The following LCN6 variants were observed in gnomAD, a reference collection of about 807,000 sequenced individuals.
LCN6 encodes epididymal-specific lipocalin-6.
A neutral mutation model predicts 21.4 loss-of-function variants in LCN6; 20 were observed. The ratio of observed to expected loss-of-function variants is 0.93; its 90% CI spans 0.66 to 1.36. The LOEUF (loss-of-function observed/expected upper bound fraction) is 1.36. LCN6 is among the 40% of genes most tolerant of loss of function. The probability of loss-of-function intolerance (pLI) is 0.00; values close to 1 mark genes in which losing one functional copy is unlikely to be tolerated. For missense variants in LCN6, 217 were observed against 206.6 expected, an observed-to-expected ratio of 1.05 and a Z score of -0.31; for synonymous variants, 96 against 89.0, an observed-to-expected ratio of 1.08 and a Z score of -0.44.
chr9:136,745,607 CTGCACCTA>C, intron 3 of LCN6: 1 of 600,046 alleles, frequency 1.7e-6, no homozygotes, highest in Non-Finnish European at 3.0e-6. Context: ...CCCTCGCCCT[CTGCACCTA>C]TGGGGACCTT....
chr9:136,746,209 C>T (rs1410482624), intron 2 of LCN6, among the ~76,000 whole-genome samples: 5 of 139,084 alleles, frequency 3.6e-5, no homozygotes, highest in African/African-American at 5.3e-5. Context: ...GAGGTTCGCC[C>T]GCGACTCGGG....
rs201662953 is a variant in LCN6 at position 136,747,548 on chromosome 9, A to G, written c.106T>C (p.Tyr36His). The G allele has an allele frequency of 2.4e-4, 388 of 1,611,634 alleles. No individual in the cohort carries two copies. The highest frequency in any genetic ancestry group is 3.1e-4 in the Non-Finnish European group (364 of 1,179,788). ...TCCCGGGAGGCCACCGCAAGCACGT[A>G]CCAGGGCCCAAGAAGCTGCATTGAG... ...LDPEQLLGPW[Y>H]VLAVASREKG... The change falls in exon 2 of 7, where the codon TAC becomes CAC. Residue 36 changes from tyrosine to histidine, a missense_variant. By Grantham distance (83) the Tyr-to-His change is moderately conservative. Coordinates refer to ENST00000341206, the MANE Select transcript of LCN6 (RefSeq NM_198946.3).
chr9:136,745,717 C>G, intron 3 of LCN6, 127 bp downstream of exon 3: 2 of 820,108 alleles, frequency 2.4e-6, no homozygotes, highest in South Asian at 3.1e-5. Context: ...GGGCAGCAAT[C>G]CCAAGACCAG....
rs759247679 is a variant in LCN6 at position 136,745,918 on chromosome 9, G to GA, written c.231-5dup. On this transcript the variant is annotated splice_region_variant and splice_polypyrimidine_tract_variant and intron_variant, in intron 2 of 6. Coordinates refer to ENST00000341206, the MANE Select transcript of LCN6 (RefSeq NM_198946.3). Reference sequence around the variant, plus strand: ...ACTCTGGTCACACCCTCCCAGCCTGGAAAAGAAGGGGCCTGTCACCCACTC... The same window carrying GA: ...ACTCTGGTCACACCCTCCCAGCCTGGAAAAAGAAGGGGCCTGTCACCCACTC... 6.2e-7 allele frequency: 1 copy of GA among 1,613,500 alleles called. No individual in the cohort carries two copies. The highest frequency in any genetic ancestry group is 2.2e-5 in the East Asian group (1 of 44,854).
intron 2 of LCN6, among the ~76,000 whole-genome samples, chr9:136,746,626 G>GC (rs917937702): frequency 1.3e-5 from 2 of 152,026 alleles, no homozygotes; most frequent in Non-Finnish European, 2.9e-5. Flanking sequence ...TGGCCCGGGG[G>GC]GTGCAGTGGG....
Position 136,744,463 on chromosome 9 carries a change from C to T in LCN6, c.*23-99G>A, listed in dbSNP as rs1441452558. ...TCGCCTGCCGTGGGGACAAGACCCCCAGGCCTGACTTTGGGCAGGGGCAGG... is the reference window on the plus strand; with the variant it reads ...TCGCCTGCCGTGGGGACAAGACCCCTAGGCCTGACTTTGGGCAGGGGCAGG... On this transcript the variant is annotated intron_variant, in intron 5 of 6. Transcript: ENST00000341206. This position sits in a 1 kb window ranked among gnomAD's most constrained non-coding sequence, Gnocchi z 4.2. 9 of 524,420 alleles carry T rather than the reference C, an allele frequency of 1.7e-5. No homozygotes were observed. Among genetic ancestry groups the T allele is most frequent in the East Asian group, 5.7e-5 (2 of 35,150 alleles). The allele number at this position is 524,420 out of a possible 1,614,324, so 32.5% of individuals were successfully genotyped here.
rs1847016112 is a variant in LCN6, at chr9:136,744,984, TCCCCATGTGGC to T, written c.412+175_412+185del. Among the ~76,000 whole-genome samples the T allele has an allele frequency of 7.6e-6, 1 of 132,416 alleles. No individual in the cohort carries two copies. The highest frequency in any genetic ancestry group is 2.9e-5 in the African/African-American group (1 of 34,212). 86.9% of individuals were successfully genotyped at this position (132,416 alleles called of 152,430 possible). A position where few individuals can be genotyped will look rare whatever the true frequency, so the allele number is the denominator to read the frequency against. On this transcript the variant is annotated intron_variant, in intron 4 of 6. Transcript: ENST00000341206. The surrounding 1 kb of genome is among the most constrained non-coding windows in gnomAD (Gnocchi z 4.2). ...CCGAGCGGCCCACTCACCACACAGCTCCCCATGTGGCCCCAAGCGGCCCACTCACCACACAG... is the reference window on the plus strand; with the variant it reads ...CCGAGCGGCCCACTCACCACACAGCTCCCAAGCGGCCCACTCACCACACAG...
chr9:136,747,331 G>A, intron 2 of LCN6, 93 bp downstream of exon 2: 3 of 1,464,690 alleles, frequency 2.0e-6, no homozygotes, highest in African/African-American at 1.4e-5. Context: ...AAGCCCCCAG[G>A]CCGCGGTGCC....
intron 2 of LCN6, 91 bp downstream of exon 2, chr9:136,747,333 C>T (rs552495789): frequency 7.7e-5 from 113 of 1,462,834 alleles, no homozygotes; most frequent in South Asian, 3.1e-4. Flanking sequence ...GCCCCCAGGC[C>T]GCGGTGCCCG....
At chr9:136,745,770 G>A (rs1847028881) in intron 3 of LCN6, 74 bp downstream of exon 3, 8 of 1,356,984 alleles carry the variant, frequency 5.9e-6, no homozygotes, top group Middle Eastern at 1.8e-4. Context: ...TCAGCCCTCC[G>A]TCCCTGCCCG....
rs955193599 is a variant in LCN6, at chr9:136,744,525, G to A, written c.*22+115C>T. Reference sequence around the variant, plus strand: ...TCAGCCTGCCTGACTCCTTCAGGGCGACTGAGTCAGGCAGAAGCCAGAATC... The same window carrying A: ...TCAGCCTGCCTGACTCCTTCAGGGCAACTGAGTCAGGCAGAAGCCAGAATC... On this transcript the variant is annotated intron_variant, in intron 5 of 6. Coordinates refer to ENST00000341206, the MANE Select transcript of LCN6 (RefSeq NM_198946.3). This position sits in a 1 kb window ranked among gnomAD's most constrained non-coding sequence, Gnocchi z 4.2. 2.7e-5 allele frequency: 18 copies of A among 659,046 alleles called. No homozygotes were observed. The highest frequency in any genetic ancestry group is 5.5e-5 in the East Asian group (2 of 36,116). The allele number at this position is 659,046 out of a possible 1,614,324, so 40.8% of individuals were successfully genotyped here. A position where few individuals can be genotyped will look rare whatever the true frequency, so the allele number is the denominator to read the frequency against.
chr9:136,745,312 G>A (rs1847022884), intron 3 of LCN6, 32 bp from the exon 4 acceptor site: 3 of 1,473,116 alleles, frequency 2.0e-6, no homozygotes, highest in African/African-American at 2.8e-5. Flanking sequence ...CTCAGGGGAG[G>A]GCAGCTGCTG....
At chr9:136,745,956 C>A in intron 2 of LCN6, 42 bp from the exon 3 acceptor site, 1 of 1,582,428 alleles carries the variant, frequency 6.3e-7, no homozygotes, top group Non-Finnish European at 8.7e-7. Context: ...GGTCAAGACC[C>A]CGGGGCCCGG....
chr9:136,744,782 G>C lies in LCN6; in HGVS notation c.413-41C>G. 1 of 1,396,830 alleles carries C rather than the reference G, an allele frequency of 7.2e-7. No individual in the cohort carries two copies. Among genetic ancestry groups the C allele is most frequent in the South Asian group, 1.2e-5 (1 of 84,398 alleles). 86.5% of individuals were successfully genotyped at this position (1,396,830 alleles called of 1,614,324 possible). A position where few individuals can be genotyped will look rare whatever the true frequency, so the allele number is the denominator to read the frequency against. On this transcript the variant is annotated intron_variant, in intron 4 of 6. Coordinates refer to ENST00000341206, the MANE Select transcript of LCN6 (RefSeq NM_198946.3). The surrounding 1 kb of genome is among the most constrained non-coding windows in gnomAD (Gnocchi z 4.2). ...CAGTGCAGGGGGAAGCAACCTCTGAGAGCTGGGGAGGGGCCGGGGAGGGGC... is the reference window on the plus strand; with the variant it reads ...CAGTGCAGGGGGAAGCAACCTCTGACAGCTGGGGAGGGGCCGGGGAGGGGC...
chr9:136,747,476 C>T lies in LCN6; in HGVS notation c.178G>A (p.Val60Met). 1 of 1,613,702 alleles carries T rather than the reference C, an allele frequency of 6.2e-7. No individual in the cohort carries two copies. Among genetic ancestry groups the T allele is most frequent in the Non-Finnish European group, 8.5e-7 (1 of 1,179,878 alleles). Residue 60 changes from valine to methionine, a missense_variant, in exon 2 of 7, where the codon GTG (valine) becomes ATG (methionine). Val to Met is a conservative substitution (Grantham distance 21). Transcript: ENST00000341206. ...EKDMKNVVGV[V>M]VTLTPENNLR... ...TTGTTTTCTGGAGTGAGGGTCACCACCACCCCCACGACGTTCTTCATGTCC... is the reference window on the plus strand; with the variant it reads ...TTGTTTTCTGGAGTGAGGGTCACCATCACCCCCACGACGTTCTTCATGTCC...
At chr9:136,745,533 T>C (rs1277019523) in intron 3 of LCN6, 3 of 558,256 alleles carry the variant, frequency 5.4e-6, no homozygotes, top group Non-Finnish European at 9.6e-6. Context: ...GTCCCAGGTG[T>C]GAACGAGGAG....
Position 136,745,174 on chromosome 9 carries a change from C to T in LCN6, c.408G>A (p.Leu136=), listed in dbSNP as rs758131135. The T allele has an allele frequency of 1.2e-6, 2 of 1,606,338 alleles. No individual in the cohort carries two copies. The highest frequency in any genetic ancestry group is 2.2e-5 in the South Asian group (2 of 90,942). The change falls in exon 4 of 7, where the codon CTG becomes CTA. Residue 136 remains leucine (L), a synonymous_variant. Coordinates refer to ENST00000341206, the MANE Select transcript of LCN6 (RefSeq NM_198946.3). The stretch of plus-strand genomic sequence containing the variant: ...GGCCCCGCACAGCACACTTACTGTA[C>T]AGCTCCACGGTGTTGAAGGGCTCGT... ...FGDEPFNTVE[L]YSLTETASQE... is the part of the protein sequence containing the mutation.
At position 136,744,810 on chromosome 9, in the gene LCN6, G is replaced by C; in HGVS notation, c.413-69C>G. ...CTGGGGAGGGGCCGGGGAGGGGCTG[G>C]GAAGGGTCAGGAAGGAGGCCACCTG... is the stretch of plus-strand genomic sequence containing the variant. On this transcript the variant is annotated intron_variant, in intron 4 of 6. Coordinates refer to ENST00000341206, the MANE Select transcript of LCN6 (RefSeq NM_198946.3). This position sits in a 1 kb window ranked among gnomAD's most constrained non-coding sequence, Gnocchi z 4.2. The C allele has an allele frequency of 9.0e-7, 1 of 1,112,716 alleles. No individual in the cohort carries two copies. The highest frequency in any genetic ancestry group is 2.5e-5 in the East Asian group (1 of 39,490). 68.9% of individuals were successfully genotyped at this position (1,112,716 alleles called of 1,614,324 possible).
rs2131075335 is a variant in LCN6, at chr9:136,744,522, G to A, written c.*22+118C>T. 2 of 648,824 alleles carry A rather than the reference G, an allele frequency of 3.1e-6. No homozygotes were observed. Among genetic ancestry groups the A allele is most frequent in the Non-Finnish European group, 5.4e-6 (2 of 368,690 alleles). The allele number at this position is 648,824 out of a possible 1,614,324, so 40.2% of individuals were successfully genotyped here. A position where few individuals can be genotyped will look rare whatever the true frequency, so the allele number is the denominator to read the frequency against. On this transcript the variant is annotated intron_variant, in intron 5 of 6. Transcript: ENST00000341206. This position sits in a 1 kb window ranked among gnomAD's most constrained non-coding sequence, Gnocchi z 4.2. ...CCCTCAGCCTGCCTGACTCCTTCAG[G>A]GCGACTGAGTCAGGCAGAAGCCAGA...
Sources: allele counts gnomAD v4.1 joint callset (sites outside exome capture counted in the v4.1 genomes callset), GRCh38; gene constraint gnomAD v4.1.1; non-coding constraint Gnocchi (gnomAD v3.1); transcripts MANE v1.5; gene names NCBI Gene and HGNC (gene_info 2026-07-23, HGNC 2026-07-21).